Variants in PLCG2 observed in about 807,000 individuals in gnomAD.
PLCG2 encodes 1-phosphatidylinositol 4,5-bisphosphate phosphodiesterase gamma-2.
In PLCG2, 69 loss-of-function variants were observed where a neutral mutation model predicts 175.6. That is an observed-to-expected ratio of 0.39 (90% confidence interval 0.32 to 0.48). The LOEUF is 0.48. Among genes scored for constraint, PLCG2 ranks in the 20% least tolerant of loss-of-function variants. The pLI is 0.91. For synonymous variants in PLCG2, 827 were observed against 624.0 expected (o/e 1.33, Z -4.85); for missense variants, 1,798 against 1,650.9 (o/e 1.09, Z -1.54).
rs573300538 is a variant in PLCG2, at chr16:81,909,861, G to A, written c.1734-659G>A. 1.8e-4 allele frequency among the ~76,000 whole-genome samples: 28 copies of A among 152,282 alleles called. No individual in the cohort carries two copies. In the South Asian group the frequency reaches 5.6e-3, roughly 30 times the overall value. ...TGAGGTGGATACTGTTATCATTCCT[G>A]TCAGACCGCTGGGGTAGTAATACAG... On this transcript the variant is annotated intron_variant, in intron 17 of 32. Transcript: ENST00000564138.
chr16:81,838,316 G>A (rs1292503864), intron 2 of PLCG2, among the ~76,000 whole-genome samples: 1 of 152,096 alleles, frequency 6.6e-6, no homozygotes, highest in Non-Finnish European at 1.5e-5. Context: ...TGAGCTCCTG[G>A]CCTCATGTGA....
intron 30 of PLCG2, 81 bp downstream of exon 30, chr16:81,940,140 A>T: frequency 7.9e-7 from 1 of 1,269,076 alleles, no homozygotes; most frequent in Non-Finnish European, 1.1e-6. Flanking sequence ...AAAGAATGAA[A>T]AATGATTTTT....
intron 1 of PLCG2, among the ~76,000 whole-genome samples, chr16:81,743,577 A>G (rs1909642423): frequency 6.6e-6 from 1 of 152,184 alleles, no homozygotes; most frequent in Non-Finnish European, 1.5e-5. Context: ...TGGGCACCTC[A>G]TGCACCCTGA....
At chr16:81,934,899 T>C (rs1435333875) in intron 26 of PLCG2, among the ~76,000 whole-genome samples, 1 of 152,120 alleles carries the variant, frequency 6.6e-6, no homozygotes, top group Non-Finnish European at 1.5e-5. Flanking sequence ...GCGAGACTTA[T>C]TCAGTACCAC....
At chr16:81,824,761 C>T (rs1471917437) in intron 2 of PLCG2, among the ~76,000 whole-genome samples, 1 of 152,026 alleles carries the variant, frequency 6.6e-6, no homozygotes, top group Admixed American at 6.6e-5. Context: ...GATGGTGACT[C>T]CCTGCACATA....
At chr16:81,941,367 C>A (rs1028249832) in intron 30 of PLCG2, among the ~76,000 whole-genome samples, 1 of 152,138 alleles carries the variant, frequency 6.6e-6, no homozygotes, top group Non-Finnish European at 1.5e-5. Context: ...GGTTCCTGGA[C>A]CCACCACAGG....
chr16:81,793,326 C>G (rs375712788), intron 2 of PLCG2, among the ~76,000 whole-genome samples: 7 of 152,190 alleles, frequency 4.6e-5, no homozygotes, highest in African/African-American at 1.4e-4. Flanking sequence ...GTTGAGCAGT[C>G]TTCAGGTGGG....
intron 10 of PLCG2, 199 bp downstream of exon 10, chr16:81,889,472 C>T (rs1908530819): frequency 2.0e-6 from 1 of 497,394 alleles, no homozygotes; most frequent in African/African-American, 2.0e-5. Flanking sequence ...ACTGTAACTG[C>T]CCAGTGGGTT....
chr16:81,868,532 C>T (rs1907358450), intron 5 of PLCG2, among the ~76,000 whole-genome samples: 2 of 152,152 alleles, frequency 1.3e-5, no homozygotes, highest in African/African-American at 4.8e-5. Context: ...CAGGTAGAGT[C>T]AGTAGGAGTC....
chr16:81,898,164 C>G (rs762177285), intron 13 of PLCG2: 7 of 211,936 alleles, frequency 3.3e-5, no homozygotes, highest in Non-Finnish European at 6.8e-5. Flanking sequence ...CGAACATTAT[C>G]TCATTCATGA....
chr16:81,872,671 C>G (rs982051985), intron 7 of PLCG2, among the ~76,000 whole-genome samples: 3 of 152,220 alleles, frequency 2.0e-5, no homozygotes, highest in Non-Finnish European at 2.9e-5. Context: ...AAGGGCTTTG[C>G]AGACTGCAAA....
intron 9 of PLCG2, 37 bp downstream of exon 9, chr16:81,883,378 G>A (rs1567515143): frequency 6.4e-7 from 1 of 1,554,242 alleles, no homozygotes; most frequent in East Asian, 2.2e-5. Flanking sequence ...TGAGGGAGCT[G>A]GCGGGATGCT....
chr16:81,814,991 A>C (rs138736461), intron 2 of PLCG2, among the ~76,000 whole-genome samples: 15 of 152,336 alleles, frequency 9.8e-5, no homozygotes, highest in African/African-American at 3.6e-4. Flanking sequence ...AGTTACTTTT[A>C]TTATTATCAG....
At chr16:81,865,457 T>C (rs921748927) in intron 5 of PLCG2, among the ~76,000 whole-genome samples, 1 of 152,128 alleles carries the variant, frequency 6.6e-6, no homozygotes, top group African/African-American at 2.4e-5. Flanking sequence ...CAGCCTCCAG[T>C]GTTTACATTG....
Position 81,779,359 on chromosome 16 carries a change from C to G in PLCG2, c.-113C>G, listed in dbSNP as rs908648907. On this transcript the variant is annotated 5_prime_UTR_variant, in exon 1 of 33. Transcript: ENST00000564138. ...GTGACCCGAGTCGGGACGCGGGCTGCGCGCGCGGGACCCCGGAGCCCAAAC... is the reference window on the plus strand; with the variant it reads ...GTGACCCGAGTCGGGACGCGGGCTGGGCGCGCGGGACCCCGGAGCCCAAAC... 1 of 150,872 alleles carries G rather than the reference C, an allele frequency of 6.6e-6. No individual in the cohort carries two copies. Among genetic ancestry groups the G allele is most frequent in the Non-Finnish European group, 1.5e-5 (1 of 67,594 alleles). 9.3% of individuals were successfully genotyped at this position (150,872 alleles called of 1,614,324 possible).
chr16:81,788,120 T>G (rs1356762425), intron 2 of PLCG2, among the ~76,000 whole-genome samples: 1 of 152,216 alleles, frequency 6.6e-6, no homozygotes, highest in Admixed American at 6.5e-5. Flanking sequence ...TAACTCAGTT[T>G]CATCATTTTA....
intron 3 of PLCG2, 191 bp from the exon 4 acceptor site, chr16:81,858,072 G>A (rs1299275998): frequency 1.8e-6 from 1 of 558,264 alleles, no homozygotes; most frequent in Non-Finnish European, 3.2e-6. Flanking sequence ...ATGAATGTGT[G>A]GCCCCATCTC....
chr16:81,925,141 C>T (rs547761833), intron 22 of PLCG2, among the ~76,000 whole-genome samples: 50 of 152,314 alleles, frequency 3.3e-4, no homozygotes, highest in Non-Finnish European at 5.9e-4. Context: ...CTCTGAATTT[C>T]GAAGGCTCTT....
chr16:81,833,785 C>G (rs1243828938), intron 2 of PLCG2, among the ~76,000 whole-genome samples: 1 of 152,074 alleles, frequency 6.6e-6, no homozygotes, highest in Non-Finnish European at 1.5e-5. Flanking sequence ...TGGGCTCGAG[C>G]TGTCCTCCTG....
Sources: allele counts gnomAD v4.1 joint callset (sites outside exome capture counted in the v4.1 genomes callset), GRCh38; gene constraint gnomAD v4.1.1; transcripts MANE v1.5; gene names NCBI Gene and HGNC (gene_info 2026-07-23, HGNC 2026-07-21).